Variants in GNAT3 observed in about 807,000 individuals in gnomAD.
GNAT3 encodes the protein guanine nucleotide-binding protein G(t) subunit alpha-3.
A neutral mutation model predicts 37.7 loss-of-function variants in GNAT3; 31 were observed. The ratio of observed to expected loss-of-function variants is 0.82; its 90% confidence interval spans 0.62 to 1.11. GNAT3 has a LOEUF of 1.11. Among genes scored for constraint, GNAT3 ranks in the 50% most tolerant of loss-of-function variants. The probability of loss-of-function intolerance (pLI) is 0.00; values close to 1 mark genes in which losing one functional copy is unlikely to be tolerated. For missense variants in GNAT3, 437 were observed against 412.5 expected (o/e 1.06, Z -0.51); for synonymous variants, 138 against 139.8 (o/e 0.99, Z 0.09).
chr7:80,501,084 C>A (rs1298055223), intron 1 of GNAT3, among the ~76,000 whole-genome samples: 1 of 152,056 alleles, frequency 6.6e-6, no homozygotes, highest in African/African-American at 2.4e-5. Flanking sequence ...TTGAAATGCT[C>A]TGCCCATGGA....
At chr7:80,467,873 C>T (rs761563456) in intron 5 of GNAT3, among the ~76,000 whole-genome samples, 25 of 151,856 alleles carry the variant, frequency 1.6e-4, no homozygotes, top group Admixed American at 7.2e-4. Flanking sequence ...ATCTTAACTT[C>T]CACGATGTTA....
At chr7:80,489,077 T>A (rs1468494388) in intron 2 of GNAT3, among the ~76,000 whole-genome samples, 3 of 152,100 alleles carry the variant, frequency 2.0e-5, no homozygotes, top group Non-Finnish European at 2.9e-5. Flanking sequence ...GCGAAGTCAT[T>A]TAGAACATTC....
chr7:80,505,000 T>C (rs1790905160), intron 1 of GNAT3, among the ~76,000 whole-genome samples: 1 of 152,190 alleles, frequency 6.6e-6, no homozygotes, highest in Admixed American at 6.5e-5. Context: ...TGATACACTG[T>C]TTTATTCTAC....
chr7:80,500,407 G>C (rs565084437), intron 1 of GNAT3, among the ~76,000 whole-genome samples: 1 of 152,190 alleles, frequency 6.6e-6, no homozygotes, highest in East Asian at 1.9e-4. Context: ...TCTGCTAGTA[G>C]AGGTTATTTG....
chr7:80,460,750 G>GA (rs56351101), intron 7 of GNAT3, among the ~76,000 whole-genome samples: 43,124 of 144,702 alleles, frequency 0.3, 6,813 homozygotes, highest in East Asian at 0.6. Context: ...TCCATCTCAA[G>GA]AAAAAAAAAA....
chr7:80,500,120 C>G (rs932994595), intron 1 of GNAT3, among the ~76,000 whole-genome samples: 2 of 151,998 alleles, frequency 1.3e-5, no homozygotes, highest in African/African-American at 4.8e-5. Context: ...GCTGTAGATA[C>G]CAGATTTATG....
chr7:80,488,244 T>G (rs1312472895), intron 3 of GNAT3, among the ~76,000 whole-genome samples: 3 of 152,170 alleles, frequency 2.0e-5, no homozygotes, highest in Non-Finnish European at 2.9e-5. Context: ...TAAATTCTTT[T>G]GTATTTAGCA....
chr7:80,484,402 A>C (rs1003076534), intron 3 of GNAT3, among the ~76,000 whole-genome samples: 1 of 152,136 alleles, frequency 6.6e-6, no homozygotes, highest in Non-Finnish European at 1.5e-5. Context: ...TTGGACGCAT[A>C]TATACCAAAC....
At chr7:80,504,263 A>G (rs1562735699) in intron 1 of GNAT3, among the ~76,000 whole-genome samples, 1 of 152,082 alleles carries the variant, frequency 6.6e-6, no homozygotes, top group Admixed American at 6.6e-5. Context: ...CTGCAGTGAG[A>G]CGTAATTGCA....
chr7:80,492,166 CT>C (rs1189476532), intron 2 of GNAT3, among the ~76,000 whole-genome samples: 2 of 105,820 alleles, frequency 1.9e-5, no homozygotes, highest in Non-Finnish European at 3.8e-5. Flanking sequence ...CCCAACTCTA[CT>C]AAAAATACCA....
At chr7:80,497,528 C>T (rs1790738189) in intron 1 of GNAT3, among the ~76,000 whole-genome samples, 1 of 147,142 alleles carries the variant, frequency 6.8e-6, no homozygotes, top group Admixed American at 6.8e-5. Context: ...TCTTGTTTCT[C>T]TCTCTATATA....
intron 1 of GNAT3, among the ~76,000 whole-genome samples, chr7:80,501,885 C>A (rs1016945990): frequency 6.6e-6 from 1 of 151,920 alleles, no homozygotes; most frequent in Non-Finnish European, 1.5e-5. Context: ...AAAAAATAAG[C>A]ATCATGAATC....
chr7:80,473,431 A>G (rs1282629601), intron 5 of GNAT3, among the ~76,000 whole-genome samples: 1 of 152,136 alleles, frequency 6.6e-6, no homozygotes, highest in Non-Finnish European at 1.5e-5. Context: ...TCACGAATGG[A>G]TATGAATAAT....
chr7:80,474,672 G>A (rs879306543), intron 4 of GNAT3, among the ~76,000 whole-genome samples: 6 of 152,020 alleles, frequency 3.9e-5, no homozygotes, highest in Non-Finnish European at 7.4e-5. Context: ...GACCCCCAGC[G>A]TCCTCTTCTA....
chr7:80,503,323 A>G (rs568790450), intron 1 of GNAT3, among the ~76,000 whole-genome samples: 1 of 152,314 alleles, frequency 6.6e-6, no homozygotes, highest in South Asian at 2.1e-4. Flanking sequence ...ACAAAAGCAG[A>G]TATGTTCTTT....
chr7:80,511,014 C>G (rs985347172), intron 1 of GNAT3, among the ~76,000 whole-genome samples: 1 of 151,986 alleles, frequency 6.6e-6, no homozygotes, highest in Admixed American at 6.6e-5. Context: ...TATAGGTCAT[C>G]ATTTTTATTT....
At chr7:80,504,752 A>C (rs1790901099) in intron 1 of GNAT3, among the ~76,000 whole-genome samples, 1 of 152,246 alleles carries the variant, frequency 6.6e-6, no homozygotes, top group Non-Finnish European at 1.5e-5. Context: ...CTTTAAAACT[A>C]GTGAAAATAT....
chr7:80,498,057 G>T (rs1790767433), intron 1 of GNAT3, among the ~76,000 whole-genome samples: 1 of 151,934 alleles, frequency 6.6e-6, no homozygotes, highest in African/African-American at 2.4e-5. Flanking sequence ...AATCACAACC[G>T]AATTTTATTT....
At chr7:80,489,929 A>G (rs1459008318) in intron 2 of GNAT3, among the ~76,000 whole-genome samples, 2 of 152,194 alleles carry the variant, frequency 1.3e-5, no homozygotes, top group Non-Finnish European at 2.9e-5. Flanking sequence ...TACTATGAGA[A>G]GATGAAGAAA....
Sources: allele counts gnomAD v4.1 joint callset (sites outside exome capture counted in the v4.1 genomes callset), GRCh38; gene constraint gnomAD v4.1.1; transcripts MANE v1.5; gene names NCBI Gene and HGNC (gene_info 2026-07-23, HGNC 2026-07-21).